The following DIAPH3 variants were observed in gnomAD, a reference collection of about 807,000 sequenced individuals.
The protein encoded by DIAPH3 is diaphanous related formin 3.
A neutral mutation model predicts 144.3 loss-of-function variants in DIAPH3; 117 were observed. The observed-to-expected ratio is 0.81, with a 90% CI of 0.70 to 0.95. The LOEUF (loss-of-function observed/expected upper bound fraction) is 0.95, where lower values mean the gene tolerates loss of function less well. Among genes scored for constraint, DIAPH3 ranks in the 40% least tolerant of loss-of-function variants. The probability of loss-of-function intolerance (pLI) is 0.00; values close to 1 mark genes in which losing one functional copy is unlikely to be tolerated. For missense variants in DIAPH3, 1,421 were observed against 1,412.7 expected (o/e 1.01, Z -0.09); for synonymous variants, 519 against 488.9 (o/e 1.06, Z -0.81).
chr13:59,966,921 T>A (rs750289883), intron 17 of DIAPH3, among the ~76,000 whole-genome samples: 3 of 152,184 alleles, frequency 2.0e-5, no homozygotes, highest in Non-Finnish European at 4.4e-5. Flanking sequence ...CTAGTTGTGA[T>A]GAAAATCAGC....
intron 14 of DIAPH3, among the ~76,000 whole-genome samples, chr13:59,975,125 CA>C (rs2050600065): frequency 6.6e-6 from 1 of 151,866 alleles, no homozygotes; most frequent in Non-Finnish European, 1.5e-5. Flanking sequence ...TGCATTCAAA[CA>C]CATTCAACTT....
intron 5 of DIAPH3, among the ~76,000 whole-genome samples, chr13:60,016,917 C>T (rs1190823964): frequency 6.6e-6 from 1 of 152,064 alleles, no homozygotes; most frequent in South Asian, 2.1e-4. Flanking sequence ...AAAACTACCT[C>T]GCTAGAAATG....
At chr13:60,119,616 G>A (rs1185008040) in intron 2 of DIAPH3, among the ~76,000 whole-genome samples, 1 of 149,796 alleles carries the variant, frequency 6.7e-6, no homozygotes, top group African/African-American at 2.4e-5. Flanking sequence ...GCGTAGTGGC[G>A]GGCGCCTGTA....
chr13:59,840,468 T>G (rs1472083095), intron 22 of DIAPH3, among the ~76,000 whole-genome samples: 2 of 152,136 alleles, frequency 1.3e-5, no homozygotes, highest in Non-Finnish European at 1.5e-5. Context: ...TGAGTTGTTT[T>G]TTTTTTAATT....
chr13:60,092,996 A>G (rs1425078088), intron 4 of DIAPH3, among the ~76,000 whole-genome samples: 2 of 152,172 alleles, frequency 1.3e-5, no homozygotes, highest in African/African-American at 4.8e-5. Context: ...TTATATTTTC[A>G]TCCAATCCAT....
intron 27 of DIAPH3, among the ~76,000 whole-genome samples, chr13:59,755,287 C>T (rs1051664944): frequency 1.3e-5 from 2 of 152,024 alleles, no homozygotes; most frequent in African/African-American, 4.8e-5. Context: ...GGTAGAATCA[C>T]CCACATGGTG....
chr13:59,845,522 A>G (rs1479362685), intron 22 of DIAPH3, among the ~76,000 whole-genome samples: 1 of 152,130 alleles, frequency 6.6e-6, no homozygotes, highest in Non-Finnish European at 1.5e-5. Context: ...GAGTTCCTAA[A>G]CAAAGCCCCA....
intron 27 of DIAPH3, among the ~76,000 whole-genome samples, chr13:59,699,427 G>C (rs935724511): frequency 6.6e-6 from 1 of 152,220 alleles, no homozygotes; most frequent in Non-Finnish European, 1.5e-5. Context: ...TCAGAGAGAT[G>C]ATGGGGACAG....
intron 17 of DIAPH3, among the ~76,000 whole-genome samples, chr13:59,968,912 G>A (rs190474749): frequency 6.6e-6 from 1 of 152,154 alleles, no homozygotes; most frequent in African/African-American, 2.4e-5. Flanking sequence ...CTACACAAAG[G>A]TCTCTGACCT....
rs2051202115 is a variant in DIAPH3 at position 59,983,954 on chromosome 13, T to C, written c.1362-67A>G. 7 of 1,040,564 alleles carry C rather than the reference T, an allele frequency of 6.7e-6. No individual in the cohort carries two copies. The Admixed American group carries it at 1.3e-4, about 19-fold the overall frequency. 64.5% of individuals were successfully genotyped at this position (1,040,564 alleles called of 1,614,324 possible). On this transcript the variant is annotated intron_variant, in intron 12 of 27. Transcript: ENST00000400324. ...TGTAACTTTACATCAAAACAAAACTTTTTGGCTAAGATTGATTTCAAGTTC... is the reference window on the plus strand; with the variant it reads ...TGTAACTTTACATCAAAACAAAACTCTTTGGCTAAGATTGATTTCAAGTTC...
chr13:59,996,267 C>T (rs1482413478), intron 9 of DIAPH3, among the ~76,000 whole-genome samples: 1 of 152,016 alleles, frequency 6.6e-6, no homozygotes, highest in Non-Finnish European at 1.5e-5. Context: ...CTCCTCTTTG[C>T]CCTAAATGCA....
At chr13:59,697,255 C>A (rs1043800350) in intron 27 of DIAPH3, among the ~76,000 whole-genome samples, 2 of 151,200 alleles carry the variant, frequency 1.3e-5, no homozygotes, top group African/African-American at 4.9e-5. Flanking sequence ...ATCAGGAGAT[C>A]GAGACCATCC....
chr13:59,885,483 T>A (rs2045380861), intron 20 of DIAPH3, among the ~76,000 whole-genome samples: 1 of 146,536 alleles, frequency 6.8e-6, no homozygotes, highest in African/African-American at 2.5e-5. Context: ...CTGAGATTTA[T>A]ACACACGTTG....
chr13:60,081,625 C>T (rs765390255), intron 4 of DIAPH3, among the ~76,000 whole-genome samples: 12 of 151,982 alleles, frequency 7.9e-5, no homozygotes, highest in South Asian at 4.1e-4. Context: ...TATTGAGTGA[C>T]AAAGTACCTT....
chr13:60,115,337 C>T (rs544724425), intron 2 of DIAPH3, among the ~76,000 whole-genome samples: 9 of 152,140 alleles, frequency 5.9e-5, no homozygotes, highest in Non-Finnish European at 8.8e-5. Flanking sequence ...TCAGGGTTTA[C>T]GGTATTGCAC....
At position 59,848,537 on chromosome 13, in the gene DIAPH3, A is replaced by G. The variant is rs577189459; in HGVS notation, c.2738-9089T>C. Among the ~76,000 whole-genome samples, 113 of 143,216 alleles carry G rather than the reference A, an allele frequency of 7.9e-4. No individual in the cohort carries two copies. The Middle Eastern group carries it at 0.01, about 13-fold the overall frequency. The allele number at this position is 143,216 out of a possible 152,430, so 94.0% of individuals were successfully genotyped here. A position where few individuals can be genotyped will look rare whatever the true frequency, so the allele number is the denominator to read the frequency against. The stretch of plus-strand genomic sequence containing the variant: ...TGTGTCCATGTGATCTCATTGTTCA[A>G]TTCCCACCTATGAGTGAGAATATGC... On this transcript the variant is annotated intron_variant, in intron 22 of 27. Coordinates refer to ENST00000400324, the MANE Select transcript of DIAPH3 (RefSeq NM_001042517.2).
chr13:59,687,063 A>C (rs1418899303), intron 27 of DIAPH3, among the ~76,000 whole-genome samples: 2 of 152,126 alleles, frequency 1.3e-5, no homozygotes, highest in Admixed American at 1.3e-4. Flanking sequence ...TAAAAACAAA[A>C]GGTTAGAGAT....
At chr13:60,017,514 A>G (rs1348535531) in intron 5 of DIAPH3, among the ~76,000 whole-genome samples, 1 of 152,144 alleles carries the variant, frequency 6.6e-6, no homozygotes, top group East Asian at 1.9e-4. Context: ...TTAAGATACA[A>G]CATTTCCAGT....
chr13:59,742,378 C>G lies in DIAPH3; in HGVS notation c.3319+31811G>C, dbSNP rs2036499856. On this transcript the variant is annotated intron_variant, in intron 27 of 27. Coordinates refer to ENST00000400324, the MANE Select transcript of DIAPH3 (RefSeq NM_001042517.2). ...TTAGGTTTGATGAAAAGTGGATAGT[C>G]AAGCAGATAAACTGTGGAGAATTTA... is the stretch of plus-strand genomic sequence containing the variant. Among the ~76,000 whole-genome samples, 3 of 152,034 alleles carry G rather than the reference C, an allele frequency of 2.0e-5. No homozygotes were observed. In the South Asian group the frequency reaches 6.2e-4, roughly 32 times the overall value.
Sources: gnomAD v4.1 joint callset for allele counts (sites outside exome capture counted in the v4.1 genomes callset) on GRCh38, gnomAD v4.1.1 for gene constraint, MANE v1.5 for transcripts, NCBI Gene and HGNC (gene_info 2026-07-23, HGNC 2026-07-21) for gene names.